ZNF831: variants seen among roughly 807,000 people sequenced by gnomAD.
The protein encoded by ZNF831 is chromosome 20 open reading frame 174.
In ZNF831, 59 loss-of-function variants were observed where a neutral mutation model predicts 95.8. The observed-to-expected ratio is 0.62, with a 90% CI of 0.50 to 0.77. ZNF831 has a LOEUF of 0.77. ZNF831 is among the 30% of genes least tolerant of loss of function. The probability of loss-of-function intolerance (pLI) is 0.00; values close to 1 mark genes in which losing one functional copy is unlikely to be tolerated. For missense variants in ZNF831, 2,205 were observed against 2,164.0 expected (o/e 1.02, Z -0.38); for synonymous variants, 961 against 925.5 (o/e 1.04, Z -0.70).
intron 1 of ZNF831, among the ~76,000 whole-genome samples, chr20:59,124,009 T>C (rs527467845): frequency 3.6e-4 from 55 of 152,336 alleles, no homozygotes; most frequent in African/African-American, 1.3e-3. Context: ...GTCTTCCTCC[T>C]GCCAGGAGAA....
chr20:59,166,787 G>C lies in ZNF831; in HGVS notation c.-37+2580G>C, dbSNP rs369921516. Among the ~76,000 whole-genome samples, 4 of 152,288 alleles carry C rather than the reference G, an allele frequency of 2.6e-5. No individual in the cohort carries two copies. In the East Asian group the frequency reaches 5.8e-4, roughly 22 times the overall value. On this transcript the variant is annotated intron_variant, in intron 1 of 5. Coordinates refer to ENST00000371030, the MANE Select transcript of ZNF831 (RefSeq NM_178457.3). ...ATGCTTCTTTTTATTGCTCAGTAGTGTTCTGTGATATGGATGTACCACAGT... is the reference window on the plus strand; with the variant it reads ...ATGCTTCTTTTTATTGCTCAGTAGTCTTCTGTGATATGGATGTACCACAGT...
intron 4 of ZNF831, among the ~76,000 whole-genome samples, chr20:59,216,946 T>TAA (rs11309699): frequency 1.4e-5 from 2 of 145,896 alleles, no homozygotes; most frequent in Non-Finnish European, 3.0e-5. Context: ...CTTTTGTTCT[T>TAA]AAAAAAAAAA....
chr20:59,206,981 A>C lies in ZNF831; in HGVS notation c.3952A>C (p.Arg1318=). Residue 1318 remains arginine (R), a synonymous_variant, in exon 4 of 6, where the codon AGA becomes CGA. Transcript: ENST00000371030. ...TCGCACACCAACCTGGGTGCGAAGAAGAAGCCGCCACCCTCCCGCACTTGA... is the reference window on the plus strand; with the variant it reads ...TCGCACACCAACCTGGGTGCGAAGACGAAGCCGCCACCCTCCCGCACTTGA... ...RLRTPTWVRR[R]SRHPPALEGL... The C allele has an allele frequency of 6.2e-7, 1 of 1,614,258 alleles. No individual in the cohort carries two copies. The highest frequency in any genetic ancestry group is 1.1e-5 in the South Asian group (1 of 91,086).
At chr20:59,150,501 C>T (rs950181497) in intron 2 of ZNF831, among the ~76,000 whole-genome samples, 1 of 152,086 alleles carries the variant, frequency 6.6e-6, no homozygotes, top group African/African-American at 2.4e-5. Flanking sequence ...ATTATTTCTT[C>T]GAAATTCAAA....
chr20:59,248,561 C>T (rs1457571218), intron 4 of ZNF831, among the ~76,000 whole-genome samples: 1 of 152,206 alleles, frequency 6.6e-6, no homozygotes, highest in African/African-American at 2.4e-5. Flanking sequence ...GACCTTTCTA[C>T]TTAAGCTTAA....
At chr20:59,163,079 T>G (rs1007968745), upstream of ZNF831, among the ~76,000 whole-genome samples, 1 of 151,746 alleles carries the variant, frequency 6.6e-6, no homozygotes, top group Non-Finnish European at 1.5e-5. Context: ...ATTGTGTTCT[T>G]GATTTGGCTC....
At chr20:59,218,430 G>A (rs1231021453) in intron 4 of ZNF831, among the ~76,000 whole-genome samples, 1 of 152,144 alleles carries the variant, frequency 6.6e-6, no homozygotes, top group Non-Finnish European at 1.5e-5. Context: ...GATTCAAATT[G>A]GCTTAGACAA....
rs904355871 is a variant in ZNF831, at chr20:59,193,368, C to T, written c.2349C>T (p.Pro783=). Residue 783 remains proline (P), a synonymous_variant, in exon 2 of 6, where the codon CCC becomes CCT. Coordinates refer to ENST00000371030, the MANE Select transcript of ZNF831 (RefSeq NM_178457.3). ...VEAPRPVWPD[P]KLEGGARGVG... The stretch of plus-strand genomic sequence containing the variant: ...CTCCCAGGCCAGTTTGGCCGGACCC[C>T]AAGCTGGAAGGAGGTGCCCGAGGTG... 21 of 1,608,934 alleles carry T rather than the reference C, an allele frequency of 1.3e-5. No individual in the cohort carries two copies. Among genetic ancestry groups the T allele is most frequent in the East Asian group, 1.1e-4 (5 of 44,854 alleles).
intron 1 of ZNF831, among the ~76,000 whole-genome samples, chr20:59,187,401 G>A (rs1044951814): frequency 1.3e-5 from 2 of 152,064 alleles, no homozygotes; most frequent in African/African-American, 2.4e-5. Context: ...GCAAGAAGAC[G>A]GCCATCTAGG....
At chr20:59,157,307 A>G (rs984515086) in intron 2 of ZNF831, among the ~76,000 whole-genome samples, 2 of 152,228 alleles carry the variant, frequency 1.3e-5, no homozygotes, top group African/African-American at 4.8e-5. Context: ...ATTAAAAACT[A>G]AAATGAAAAC....
rs532733609 is a variant in ZNF831 at position 59,194,424 on chromosome 20, T to C, written c.3405T>C (p.Thr1135=). The part of the protein sequence containing the change: ...CSPLQPGSFL[T]ALTRPQGVPP... ...CCCTCCAGCCTGGCTCCTTCCTCAC[T>C]GCCCTCACTCGGCCTCAGGGTGTGC... The change falls in exon 2 of 6, where the codon ACT becomes ACC. Residue 1135 remains threonine (T), a synonymous_variant. Transcript: ENST00000371030. The C allele has an allele frequency of 1.2e-6, 2 of 1,612,236 alleles. No individual in the cohort carries two copies. Among genetic ancestry groups the C allele is most frequent in the African/African-American group, 2.7e-5 (2 of 75,044 alleles).
intron 4 of ZNF831, among the ~76,000 whole-genome samples, chr20:59,250,675 C>A (rs543991982): frequency 1.3e-5 from 2 of 151,818 alleles, no homozygotes; most frequent in Admixed American, 1.3e-4. Flanking sequence ...TTAACATTGC[C>A]GGGGGTAAAA....
In ZNF831 at chr20:59,192,563, C is replaced by G. The variant is rs2146567736; in HGVS notation, c.1544C>G (p.Thr515Arg). The G allele has an allele frequency of 1.3e-6, 2 of 1,521,480 alleles. No individual in the cohort carries two copies. Among genetic ancestry groups the G allele is most frequent in the South Asian group, 2.6e-5 (2 of 75,692 alleles). The allele number at this position is 1,521,480 out of a possible 1,614,324, so 94.2% of individuals were successfully genotyped here. A position where few individuals can be genotyped will look rare whatever the true frequency, so the allele number is the denominator to read the frequency against. Residue 515 changes from threonine (T) to arginine (R), a missense_variant, in exon 2 of 6, where the codon ACG becomes AGG. Coordinates refer to ENST00000371030, the MANE Select transcript of ZNF831 (RefSeq NM_178457.3). The surrounding 1 kb of genome is among the most constrained non-coding windows in gnomAD (Gnocchi z 5.2). ...CTGCCCTTCGTCGAGGGCTCCAGGA[C>G]GTGGCTGGAGCCCAGGGAGCCCCGG... ...NSLPFVEGSRTWLEPREPRDP... is the reference protein window; with the variant it reads ...NSLPFVEGSRRWLEPREPRDP...
In ZNF831 at chr20:59,211,065, A is replaced by AAAAAAAAC. The variant is rs753979009; in HGVS notation, c.4027+4009_4027+4010insAAAAAAAC. 1.0e-4 allele frequency among the ~76,000 whole-genome samples: 8 copies of AAAAAAAAC among 77,582 alleles called. 2 individuals are homozygous for AAAAAAAAC. Among genetic ancestry groups the AAAAAAAAC allele is most frequent in the African/African-American group, 6.4e-4 (8 of 12,564 alleles). The allele number at this position is 77,582 out of a possible 152,430, so 50.9% of individuals were successfully genotyped here. ...AAAAAAAAAGAAAAAAAAAAAAAAA[A>AAAAAAAAC]CAAATCCAAGGAGAAAAAAAAATTC... is the stretch of plus-strand genomic sequence containing the variant. On this transcript the variant is annotated intron_variant, in intron 4 of 5. Transcript: ENST00000371030.
intron 4 of ZNF831, among the ~76,000 whole-genome samples, chr20:59,250,546 A>C (rs1987832886): frequency 6.6e-6 from 1 of 152,202 alleles, no homozygotes; most frequent in African/African-American, 2.4e-5. Context: ...TGTATTTCTC[A>C]GGAAAGCCAC....
In ZNF831 at chr20:59,181,652, A is replaced by G. The variant is rs189293154; in HGVS notation, c.-36-9332A>G. ...CCTTTCCCCATTGCTTATTTTTGTCAGGTTTGTCGAAGATCAGATGGTTGT... is the reference window on the plus strand; with the variant it reads ...CCTTTCCCCATTGCTTATTTTTGTCGGGTTTGTCGAAGATCAGATGGTTGT... On this transcript the variant is annotated intron_variant, in intron 1 of 5. Coordinates refer to ENST00000371030, the MANE Select transcript of ZNF831 (RefSeq NM_178457.3). Among the ~76,000 whole-genome samples, 5 of 152,046 alleles carry G rather than the reference A, an allele frequency of 3.3e-5. No homozygotes were observed. In the East Asian group the frequency reaches 7.7e-4, roughly 23 times the overall value.
intron 2 of ZNF831, among the ~76,000 whole-genome samples, chr20:59,153,817 T>G (rs1320410076): frequency 6.6e-6 from 1 of 152,232 alleles, no homozygotes; most frequent in Non-Finnish European, 1.5e-5. Context: ...ATTGGACAAT[T>G]GCTTACCAAG....
At chr20:59,220,888 T>A (rs1986031826) in intron 4 of ZNF831, among the ~76,000 whole-genome samples, 2 of 152,226 alleles carry the variant, frequency 1.3e-5, no homozygotes, top group African/African-American at 4.8e-5. Context: ...TCTTGACTTT[T>A]ACTAGTTCTT....
intron 1 of ZNF831, among the ~76,000 whole-genome samples, chr20:59,127,395 T>A (rs75777337): frequency 0.11 from 16,278 of 152,160 alleles, 950 homozygotes; most frequent in Non-Finnish European, 0.12. Context: ...TGCTCTCTGG[T>A]CAGATCTTCC....
Sources: allele counts gnomAD v4.1 joint callset (sites outside exome capture counted in the v4.1 genomes callset), GRCh38; gene constraint gnomAD v4.1.1; non-coding constraint Gnocchi (gnomAD v3.1); transcripts MANE v1.5; gene names NCBI Gene and HGNC (gene_info 2026-07-23, HGNC 2026-07-21).